The following SECISBP2 variants were observed in gnomAD, a reference collection of about 807,000 sequenced individuals.
The protein encoded by SECISBP2 is SECIS binding protein 2, also known as selenocysteine insertion sequence-binding protein 2.
In SECISBP2, 96 loss-of-function variants were observed where a neutral mutation model predicts 98.2. The observed-to-expected ratio is 0.98, with a 90% CI of 0.83 to 1.16. The LOEUF is 1.16. Among genes scored for constraint, SECISBP2 ranks in the 50% most tolerant of loss-of-function variants. The probability of loss-of-function intolerance (pLI) is 0.00; values close to 1 mark genes in which losing one functional copy is unlikely to be tolerated. For synonymous variants in SECISBP2, 407 were observed against 370.2 expected, an observed-to-expected ratio of 1.10 and a Z score of -1.14; for missense variants, 1,046 against 1,022.9, an observed-to-expected ratio of 1.02 and a Z score of -0.31.
intron 6 of SECISBP2, chr9:89,333,953 G>T (rs1418522182): frequency 2.2e-6 from 2 of 922,246 alleles, no homozygotes; most frequent in African/African-American, 1.8e-5. Context: ...ACCCTTGGGG[G>T]TAGCCACAGG....
intron 4 of SECISBP2, among the ~76,000 whole-genome samples, chr9:89,327,638 A>G (rs937221705): frequency 6.6e-6 from 1 of 152,184 alleles, no homozygotes; most frequent in African/African-American, 2.4e-5. Context: ...CAGGGTCAGA[A>G]TCATCTGTAT....
chr9:89,362,729 T>C (rs983626069), downstream of SECISBP2, among the ~76,000 whole-genome samples: 2 of 152,216 alleles, frequency 1.3e-5, no homozygotes, highest in Non-Finnish European at 2.9e-5. Context: ...TGCCCAGCCT[T>C]TGGTGGCAAC....
At chr9:89,334,826 A>G in intron 7 of SECISBP2, 96 bp downstream of exon 7, 1 of 931,288 alleles carries the variant, frequency 1.1e-6, no homozygotes, top group South Asian at 1.3e-5. Flanking sequence ...AGAGAGTTTC[A>G]GTTTTGCTAG....
intron 2 of SECISBP2, among the ~76,000 whole-genome samples, chr9:89,320,382 C>T (rs1389635544): frequency 8.6e-6 from 1 of 116,914 alleles, no homozygotes; most frequent in Non-Finnish European, 1.9e-5. Flanking sequence ...AAAAAAAAAT[C>T]CCGTTTCAAG....
At chr9:89,319,063 T>A (rs946619538) in intron 1 of SECISBP2, 2 of 1,007,426 alleles carry the variant, frequency 2.0e-6, no homozygotes, top group African/African-American at 3.5e-5. Context: ...AAATTCTCGG[T>A]GAAAGTAAAT....
At chr9:89,348,495 G>A (rs1830771289) in intron 12 of SECISBP2, among the ~76,000 whole-genome samples, 1 of 152,312 alleles carries the variant, frequency 6.6e-6, no homozygotes, top group Non-Finnish European at 1.5e-5. Flanking sequence ...CCTCTAACTT[G>A]AAGTGGTCAT....
downstream of SECISBP2, chr9:89,363,580 C>A: frequency 6.2e-7 from 1 of 1,608,690 alleles, no homozygotes; most frequent in Non-Finnish European, 8.5e-7. Flanking sequence ...TTTATGGCAC[C>A]CTTGATGCCC....
In SECISBP2 at chr9:89,358,704, C is replaced by A; in HGVS notation, c.2462-17C>A. The A allele has an allele frequency of 6.5e-7, 1 of 1,541,990 alleles. No individual in the cohort carries two copies. Among genetic ancestry groups the A allele is most frequent in the Non-Finnish European group, 9.0e-7 (1 of 1,114,444 alleles). ...TGTTGATGCCTATTCCTCACTCGTG[C>A]TGTTTTCTCATTTTAGTTGAAATCT... On this transcript the variant is annotated splice_polypyrimidine_tract_variant and intron_variant, in intron 16 of 16. Transcript: ENST00000375807.
intron 16 of SECISBP2, 85 bp from the exon 17 acceptor site, chr9:89,358,635 TC>T: frequency 1.1e-6 from 1 of 876,222 alleles, no homozygotes; most frequent in Non-Finnish European, 1.9e-6. Flanking sequence ...GGCCACAGGC[TC>T]CCTCTCTCAT....
rs746037464 is a variant in SECISBP2, at chr9:89,325,529, T to C, written c.285T>C (p.Tyr95=). The change falls in exon 3 of 17, where the codon TAT becomes TAC. Residue 95 remains tyrosine, a synonymous_variant. Transcript: ENST00000375807. ...ITLHPYAYSP[Y]TLDSTQNVYS... ...TTCATCCATATGCCTATTCTCCTTA[T>C]ACCCTTGACTCCACACAGAATGTTT... is the stretch of plus-strand genomic sequence containing the variant. The C allele has an allele frequency of 1.2e-5, 20 of 1,613,820 alleles. No homozygotes were observed. The highest frequency in any genetic ancestry group is 1.6e-5 in the Non-Finnish European group (19 of 1,180,004).
At chr9:89,350,391 A>G (rs530353584) in intron 13 of SECISBP2, among the ~76,000 whole-genome samples, 8 of 152,318 alleles carry the variant, frequency 5.3e-5, no homozygotes, top group African/African-American at 1.4e-4. Context: ...GTGGCAAACT[A>G]TGGTTGGGCA....
chr9:89,339,415 A>G (rs907558789), intron 8 of SECISBP2, among the ~76,000 whole-genome samples: 1 of 152,250 alleles, frequency 6.6e-6, no homozygotes, highest in African/African-American at 2.4e-5. Context: ...AATATTGACA[A>G]AATGACATAG....
intron 10 of SECISBP2, among the ~76,000 whole-genome samples, chr9:89,344,483 G>T (rs1439213401): frequency 6.6e-6 from 1 of 152,118 alleles, no homozygotes; most frequent in African/African-American, 2.4e-5. Flanking sequence ...GTTGATTTTT[G>T]TATGTGGTGT....
At position 89,328,682 on chromosome 9, in the gene SECISBP2, C is replaced by A. The variant is rs1375584048; in HGVS notation, c.597C>A (p.Asp199Glu). 10 of 1,613,898 alleles carry A rather than the reference C, an allele frequency of 6.2e-6. No homozygotes were observed. The highest frequency in any genetic ancestry group is 3.3e-5 in the Admixed American group (2 of 60,004). ...CAGATGGTTACCATAAGCGAACAGACAGGAAATCCAGAATCATTGCAAAAA... is the reference window on the plus strand; with the variant it reads ...CAGATGGTTACCATAAGCGAACAGAAAGGAAATCCAGAATCATTGCAAAAA... Reference protein sequence around the residue: ...LKSDGYHKRTDRKSRIIAKNV... With the variant: ...LKSDGYHKRTERKSRIIAKNV... Residue 199 changes from aspartate (D) to glutamate (E), a missense_variant, in exon 5 of 17, where the codon GAC becomes GAA. By Grantham distance (45) the Asp-to-Glu change is conservative. Coordinates refer to ENST00000375807, the MANE Select transcript of SECISBP2 (RefSeq NM_024077.5).
At chr9:89,350,198 G>C (rs2131983919) in intron 13 of SECISBP2, among the ~76,000 whole-genome samples, 1 of 152,164 alleles carries the variant, frequency 6.6e-6, no homozygotes, top group East Asian at 1.9e-4. Flanking sequence ...TGAAGTGACC[G>C]TGCATCATCT....
intron 2 of SECISBP2, 134 bp downstream of exon 2, chr9:89,319,931 T>C (rs1357881139): frequency 3.2e-6 from 3 of 938,754 alleles, no homozygotes; most frequent in Non-Finnish European, 5.1e-6. Context: ...CCAAGAAGAG[T>C]CTGAGCCAGT....
intron 9 of SECISBP2, 44 bp downstream of exon 9, chr9:89,339,997 T>C: frequency 1.5e-6 from 2 of 1,374,608 alleles, no homozygotes; most frequent in African/African-American, 1.4e-5. Flanking sequence ...GGCTTAACTC[T>C]TCTGGCTCAA....
Position 89,358,051 on chromosome 9 carries a change from A to C in SECISBP2, c.2321A>C (p.Lys774Thr). 1 of 1,613,792 alleles carries C rather than the reference A, an allele frequency of 6.2e-7. No individual in the cohort carries two copies. Among genetic ancestry groups the C allele is most frequent in the Non-Finnish European group, 8.5e-7 (1 of 1,180,020 alleles). ...ACAGTGGCGGCCCGACAGGCGTACA[A>C]GACCATGCTGGAGAATGTGCAGCAG... is the stretch of plus-strand genomic sequence containing the variant. ...ELTVAARQAY[K>T]TMLENVQQEL... is the part of the protein sequence containing the mutation. The change falls in exon 16 of 17, where the codon AAG becomes ACG. Residue 774 changes from lysine (K) to threonine (T), a missense_variant. Physicochemically the swap from Lys to Thr is moderately conservative, Grantham distance 78 (BLOSUM62 -1). Transcript: ENST00000375807.
Position 89,318,514 on chromosome 9 carries a change from T to C in SECISBP2, c.-63T>C. 2 of 1,495,506 alleles carry C rather than the reference T, an allele frequency of 1.3e-6. No individual in the cohort carries two copies. The highest frequency in any genetic ancestry group is 1.2e-5 in the South Asian group (1 of 82,128). 92.6% of individuals were successfully genotyped at this position (1,495,506 alleles called of 1,614,324 possible). A position where few individuals can be genotyped will look rare whatever the true frequency, so the allele number is the denominator to read the frequency against. Reference sequence around the variant, plus strand: ...CCTGCGGGGGCGGAAACGCTTTGTCTGTCCGGCAAGCCGACGGCCCGCTGC... The same window carrying C: ...CCTGCGGGGGCGGAAACGCTTTGTCCGTCCGGCAAGCCGACGGCCCGCTGC... On this transcript the variant is annotated 5_prime_UTR_variant, in exon 1 of 17. Coordinates refer to ENST00000375807, the MANE Select transcript of SECISBP2 (RefSeq NM_024077.5).
Sources: gnomAD v4.1 joint callset for allele counts (sites outside exome capture counted in the v4.1 genomes callset) on GRCh38, gnomAD v4.1.1 for gene constraint, MANE v1.5 for transcripts, NCBI Gene and HGNC (gene_info 2026-07-23, HGNC 2026-07-21) for gene names.